Variants in CDC42SE2 observed in about 807,000 individuals in gnomAD.
CDC42SE2 encodes the protein CDC42 small effector protein 2.
Under a neutral mutation model 11.5 loss-of-function variants are expected in CDC42SE2, and 3 were observed. The ratio of observed to expected loss-of-function variants is 0.26; its 90% confidence interval spans 0.12 to 0.67. The LOEUF is 0.67. Among genes scored for constraint, CDC42SE2 ranks in the 30% least tolerant of loss-of-function variants. The probability of loss-of-function intolerance (pLI) is 0.80; values close to 1 mark genes in which losing one functional copy is unlikely to be tolerated. For missense variants in CDC42SE2, 82 were observed against 106.8 expected (o/e 0.77, Z 1.02); for synonymous variants, 33 against 34.8 (o/e 0.95, Z 0.18).
At chr5:131,326,816 T>TGTTG (rs1758310620) in intron 2 of CDC42SE2, among the ~76,000 whole-genome samples, 1 of 152,158 alleles carries the variant, frequency 6.6e-6, no homozygotes, top group Non-Finnish European at 1.5e-5. Flanking sequence ...AATCTGCCTA[T>TGTTG]GTTGGCTAGG....
the CDC42SE2 span, among the ~76,000 whole-genome samples, chr5:131,216,518 A>AAAAC: frequency 2.1e-5 from 3 of 146,100 alleles, no homozygotes; most frequent in African/African-American, 8.2e-5. Context: ...AAAAAAAAAA[A>AAAAC]AAAACATTAT....
At chr5:131,313,850 C>CA (rs1467337686) in intron 1 of CDC42SE2, among the ~76,000 whole-genome samples, 1 of 152,052 alleles carries the variant, frequency 6.6e-6, no homozygotes, top group East Asian at 1.9e-4. Flanking sequence ...TATTTTGAGG[C>CA]AGAGTCTCAC....
chr5:131,259,471 T>C (rs1756705555), upstream of CDC42SE2, among the ~76,000 whole-genome samples: 1 of 149,282 alleles, frequency 6.7e-6, no homozygotes, highest in Admixed American at 6.6e-5. Context: ...TAGAAAGCTT[T>C]GTAGTTCTGA....
At chr5:131,248,613 T>C (rs1438407450) in intron 1 of CDC42SE2, among the ~76,000 whole-genome samples, 1 of 152,136 alleles carries the variant, frequency 6.6e-6, no homozygotes, top group African/African-American at 2.4e-5. Context: ...ATCTTCAAAT[T>C]AACAAGATAT....
intron 2 of CDC42SE2, among the ~76,000 whole-genome samples, chr5:131,344,926 A>C (rs187923092): frequency 1.3e-5 from 2 of 152,234 alleles, no homozygotes; most frequent in Non-Finnish European, 2.9e-5. Flanking sequence ...ACAGACCTGC[A>C]GCTGAGGGTC....
At chr5:131,368,123 G>C (rs1749910884) in intron 3 of CDC42SE2, among the ~76,000 whole-genome samples, 1 of 151,866 alleles carries the variant, frequency 6.6e-6, no homozygotes, top group South Asian at 2.1e-4. Context: ...CGTGGTGGCG[G>C]ACGCCTGTGG....
At position 131,394,071 on chromosome 5, in the gene CDC42SE2, G is replaced by C. The variant is rs1750773430; in HGVS notation, c.*2980G>C. 6.6e-6 allele frequency: 1 copy of C among 152,154 alleles called. No homozygotes were observed. Among genetic ancestry groups the C allele is most frequent in the African/African-American group, 2.4e-5 (1 of 41,410 alleles). The allele number at this position is 152,154 out of a possible 1,614,324, so 9.4% of individuals were successfully genotyped here. Reference sequence around the variant, plus strand: ...CCTTGGACATAATTTTTTTTAGGGAGGCAGCTTTCCCACTTTTATAAAGGG... The same window carrying C: ...CCTTGGACATAATTTTTTTTAGGGACGCAGCTTTCCCACTTTTATAAAGGG... On this transcript the variant is annotated 3_prime_UTR_variant, in exon 5 of 5. Coordinates refer to ENST00000505065, the MANE Select transcript of CDC42SE2 (RefSeq NM_001375635.1).
intron 1 of CDC42SE2, among the ~76,000 whole-genome samples, chr5:131,283,970 G>T (rs1362212989): frequency 6.6e-6 from 1 of 152,014 alleles, no homozygotes; most frequent in East Asian, 1.9e-4. Context: ...ATTTATCTTG[G>T]GTATATATAC....
chr5:131,390,236 T>C (rs927736751), intron 4 of CDC42SE2, among the ~76,000 whole-genome samples: 8 of 152,224 alleles, frequency 5.3e-5, no homozygotes, highest in Admixed American at 3.9e-4. Context: ...TATATTAACA[T>C]GGTACATTTT....
At position 131,360,840 on chromosome 5, in the gene CDC42SE2, C is replaced by T. The variant is rs192154751; in HGVS notation, c.54+1293C>T. On this transcript the variant is annotated intron_variant, in intron 3 of 4. Transcript: ENST00000505065. ...TCGGCCTCCCAAAGTGCTGGGATTA[C>T]AGGCATGAGCCACTGTGCCCTACCA... Among the ~76,000 whole-genome samples, 480 of 152,310 alleles carry T rather than the reference C, an allele frequency of 3.2e-3. 2 individuals carry two copies. The highest frequency in any genetic ancestry group is 6.8e-3 in the Middle Eastern group (2 of 294).
intron 3 of CDC42SE2, among the ~76,000 whole-genome samples, chr5:131,382,373 G>T (rs542922501): frequency 6.6e-6 from 1 of 152,258 alleles, no homozygotes; most frequent in Non-Finnish European, 1.5e-5. Flanking sequence ...AGCACACTAT[G>T]GTTTCTGTTC....
At chr5:131,322,143 C>A (rs982404748) in intron 2 of CDC42SE2, among the ~76,000 whole-genome samples, 1 of 152,124 alleles carries the variant, frequency 6.6e-6, no homozygotes, top group South Asian at 2.1e-4. Context: ...AGCCACCACG[C>A]CTGGCAGAAA....
At chr5:131,296,808 A>G (rs1369110228) in intron 1 of CDC42SE2, among the ~76,000 whole-genome samples, 1 of 152,158 alleles carries the variant, frequency 6.6e-6, no homozygotes, top group Non-Finnish European at 1.5e-5. Flanking sequence ...TCTCTATAGT[A>G]GTCTTTCATA....
the CDC42SE2 span, among the ~76,000 whole-genome samples, chr5:131,232,371 C>A: frequency 8.6e-5 from 13 of 151,950 alleles, no homozygotes; most frequent in African/African-American, 3.1e-4. Context: ...ATGTCGGCCT[C>A]CCCAAAGTGC....
chr5:131,253,356 T>C (rs1049199101), intron 1 of CDC42SE2, among the ~76,000 whole-genome samples: 2 of 152,208 alleles, frequency 1.3e-5, no homozygotes, highest in African/African-American at 2.4e-5. Context: ...AGCTTAAGGA[T>C]AGAGATTTCT....
chr5:131,353,149 G>A (rs1042403143), intron 2 of CDC42SE2, among the ~76,000 whole-genome samples: 3 of 151,962 alleles, frequency 2.0e-5, no homozygotes, highest in African/African-American at 4.8e-5. Flanking sequence ...AAATGTTTTT[G>A]TAGTTACGGA....
At chr5:131,319,212 T>C (rs564642589) in intron 2 of CDC42SE2, among the ~76,000 whole-genome samples, 2 of 152,278 alleles carry the variant, frequency 1.3e-5, no homozygotes, top group African/African-American at 2.4e-5. Flanking sequence ...AAGGTCGATA[T>C]GACTTTTCCC....
chr5:131,342,497 C>A (rs1358696991), intron 2 of CDC42SE2, among the ~76,000 whole-genome samples: 7 of 142,726 alleles, frequency 4.9e-5, no homozygotes, highest in African/African-American at 1.9e-4. Flanking sequence ...TCAAGTGATT[C>A]TCCTGCCTCT....
chr5:131,246,019 C>A (rs141996604), intron 1 of CDC42SE2, among the ~76,000 whole-genome samples: 1 of 152,282 alleles, frequency 6.6e-6, no homozygotes, highest in African/African-American at 2.4e-5. Context: ...TGCCTGAATT[C>A]TTTCATATTG....
Sources: gnomAD v4.1 joint callset for allele counts (sites outside exome capture counted in the v4.1 genomes callset) on GRCh38, gnomAD v4.1.1 for gene constraint, MANE v1.5 for transcripts, NCBI Gene and HGNC (gene_info 2026-07-23, HGNC 2026-07-21) for gene names.